Variants in NUP205 observed in about 807,000 individuals in gnomAD.
The protein encoded by NUP205 is nuclear pore complex protein Nup205.
NUP205 carries 76 observed loss-of-function variants against 253.8 expected under a neutral mutation model. The ratio of observed to expected loss-of-function variants is 0.30; its 90% CI spans 0.25 to 0.36. NUP205 has a LOEUF of 0.36. Ranked by LOEUF, NUP205 falls within the 10% of genes least tolerant of loss-of-function variation. NUP205 has a pLI of 1.00. For missense variants in NUP205, 2,162 were observed against 2,425.5 expected (o/e 0.89, Z 2.28); for synonymous variants, 832 against 850.1 (o/e 0.98, Z 0.37).
chr7:135,638,006 G>A lies in NUP205; in HGVS notation c.5212G>A (p.Val1738Met), dbSNP rs745522054. 4 of 1,614,102 alleles carry A rather than the reference G, an allele frequency of 2.5e-6. No individual in the cohort carries two copies. Among genetic ancestry groups the A allele is most frequent in the Non-Finnish European group, 2.5e-6 (3 of 1,179,944 alleles). The change falls in exon 37 of 43, where the codon GTG becomes ATG. Residue 1738 changes from valine to methionine, a missense_variant. Physicochemically the swap from Val to Met is conservative, Grantham distance 21. Around this residue, in one of 5 missense-constraint regions of NUP205, gnomAD observed 1,144 missense variants for 1,280.9 expected, o/e 0.89. Transcript: ENST00000285968. Reference protein sequence around the residue: ...LRQFKFQDDNVEGDKVSKKDE... With the variant: ...LRQFKFQDDNMEGDKVSKKDE... ...TCAGTTTAAATTTCAAGACGATAAT[G>A]TGGAGGGAGATAAAGTAAGCAAGAA...
intron 22 of NUP205, among the ~76,000 whole-genome samples, chr7:135,608,102 C>T (rs573242372): frequency 1.3e-5 from 2 of 149,076 alleles, no homozygotes; most frequent in South Asian, 4.2e-4. Context: ...TTGTGGCACA[C>T]TGCAACCTCC....
intron 8 of NUP205, among the ~76,000 whole-genome samples, chr7:135,585,597 A>T (rs1479218712): frequency 6.6e-6 from 1 of 151,008 alleles, no homozygotes; most frequent in Non-Finnish European, 1.5e-5. Context: ...TATTGCGCCC[A>T]GGCTGGAGTG....
At chr7:135,602,735 T>C in intron 17 of NUP205, 70 bp from the exon 18 acceptor site, 1 of 1,254,332 alleles carries the variant, frequency 8.0e-7, no homozygotes, top group Non-Finnish European at 1.1e-6. Flanking sequence ...ATTTGTCTTG[T>C]TTTCCTAAGA....
intron 1 of NUP205, chr7:135,558,342 G>C (rs1805488861): frequency 3.6e-6 from 1 of 277,966 alleles, no homozygotes; most frequent in Non-Finnish European, 7.2e-6. Context: ...GAGGACCCGA[G>C]ATATTTTCCA....
Position 135,601,386 on chromosome 7 carries a change from C to G in NUP205, c.2391C>G (p.Ala797=), listed in dbSNP as rs756511519. 1.1e-5 allele frequency: 18 copies of G among 1,613,226 alleles called. No homozygotes were observed. In the South Asian group the frequency reaches 1.6e-4, roughly 15 times the overall value. Residue 797 remains alanine, a synonymous_variant, in exon 17 of 43, where the codon GCC becomes GCG. Transcript: ENST00000285968. ...TCTATTTAGGAGAAGAAATCATAGC[C>G]TATAAGCCACCTGGATTTAGTCTGA... ...FVELQGEEII[A]YKPPGFSLMY... is the part of the protein sequence containing the mutation.
chr7:135,627,398 G>A (rs1211543185), intron 33 of NUP205, among the ~76,000 whole-genome samples: 4 of 152,114 alleles, frequency 2.6e-5, no homozygotes, highest in African/African-American at 9.7e-5. Context: ...AACTTTCTGA[G>A]TGCCAATATG....
intron 1 of NUP205, among the ~76,000 whole-genome samples, chr7:135,563,486 C>G (rs772690291): frequency 6.6e-6 from 1 of 152,010 alleles, no homozygotes; most frequent in Admixed American, 6.6e-5. Context: ...CTGTGCCCGG[C>G]CAGATTTTAC....
At chr7:135,599,146 A>G (rs1314264926) in intron 15 of NUP205, among the ~76,000 whole-genome samples, 1 of 152,192 alleles carries the variant, frequency 6.6e-6, no homozygotes, top group Non-Finnish European at 1.5e-5. Context: ...GACTTAATTA[A>G]CAATTGAGAT....
At chr7:135,565,936 A>C (rs1034948682) in intron 1 of NUP205, among the ~76,000 whole-genome samples, 1 of 152,202 alleles carries the variant, frequency 6.6e-6, no homozygotes, top group Non-Finnish European at 1.5e-5. Flanking sequence ...TCCTGAGGGA[A>C]GTCATCTAGT....
chr7:135,604,963 A>G (rs967876160), intron 19 of NUP205, among the ~76,000 whole-genome samples: 2 of 151,862 alleles, frequency 1.3e-5, no homozygotes, highest in African/African-American at 4.8e-5. Context: ...CTGAATACCT[A>G]CAATTGCGGA....
At chr7:135,602,587 G>A (rs886266831) in intron 17 of NUP205, among the ~76,000 whole-genome samples, 14 of 152,172 alleles carry the variant, frequency 9.2e-5, no homozygotes, top group African/African-American at 2.9e-4. Context: ...GCAAAATAAC[G>A]ATGACTTGCA....
chr7:135,579,545 T>C (rs1806248756), intron 7 of NUP205, among the ~76,000 whole-genome samples: 1 of 152,176 alleles, frequency 6.6e-6, no homozygotes, highest in Non-Finnish European at 1.5e-5. Flanking sequence ...TTTTATATAT[T>C]TTACTTCTTG....
intron 5 of NUP205, 95 bp downstream of exon 5, chr7:135,577,223 T>C (rs1249843458): frequency 8.1e-7 from 1 of 1,233,098 alleles, no homozygotes; most frequent in East Asian, 2.4e-5. Context: ...AGATGAATTA[T>C]GTAGCTGATA....
At chr7:135,591,002 TG>T (rs1467395558) in intron 10 of NUP205, among the ~76,000 whole-genome samples, 1 of 152,142 alleles carries the variant, frequency 6.6e-6, no homozygotes, top group East Asian at 1.9e-4. Context: ...AACAGGAGTA[TG>T]GGAACGTGGC....
At chr7:135,559,760 C>T (rs1056476785) in intron 1 of NUP205, among the ~76,000 whole-genome samples, 2 of 147,882 alleles carry the variant, frequency 1.4e-5, no homozygotes, top group Non-Finnish European at 3.0e-5. Context: ...GGCGTGATCT[C>T]GGCTCACTGC....
At chr7:135,631,692 C>T (rs1794715391) in intron 35 of NUP205, among the ~76,000 whole-genome samples, 1 of 152,054 alleles carries the variant, frequency 6.6e-6, no homozygotes, top group Non-Finnish European at 1.5e-5. Context: ...ATGGCGTCAC[C>T]ATTCACGAGT....
chr7:135,567,727 T>C (rs1805824857), intron 1 of NUP205, among the ~76,000 whole-genome samples: 1 of 152,210 alleles, frequency 6.6e-6, no homozygotes, highest in Non-Finnish European at 1.5e-5. Context: ...GTAACTTTAT[T>C]TGGATTTGGG....
Position 135,618,655 on chromosome 7 carries a change from A to G in NUP205, c.3963+52A>G, listed in dbSNP as rs1455375220. 4.9e-6 allele frequency: 7 copies of G among 1,433,740 alleles called. No homozygotes were observed. In the African/African-American group the frequency reaches 8.6e-5, roughly 18 times the overall value. The allele number at this position is 1,433,740 out of a possible 1,614,324, so 88.8% of individuals were successfully genotyped here. Reference sequence around the variant, plus strand: ...ACTGCTGAACGAATGTATCATTTAAACAAATATATTTTGGCATCCTAATTG... The same window carrying G: ...ACTGCTGAACGAATGTATCATTTAAGCAAATATATTTTGGCATCCTAATTG... On this transcript the variant is annotated intron_variant, in intron 28 of 42. Coordinates refer to ENST00000285968, the MANE Select transcript of NUP205 (RefSeq NM_015135.3).
In NUP205 at chr7:135,609,394, C is replaced by T. The variant is rs192845410; in HGVS notation, c.3195+2023C>T. 4.9e-3 allele frequency among the ~76,000 whole-genome samples: 751 copies of T among 152,000 alleles called. 6 individuals carry two copies. Among genetic ancestry groups the T allele is most frequent in the African/African-American group, 0.017 (723 of 41,458 alleles). On this transcript the variant is annotated intron_variant, in intron 22 of 42. Transcript: ENST00000285968. ...TCGGGAGGCTGAGGCAGGAGAATGG[C>T]GTGAACCCGGGAGGTGGAGCTTGCA...
Sources: allele counts gnomAD v4.1 joint callset (sites outside exome capture counted in the v4.1 genomes callset), GRCh38; gene constraint gnomAD v4.1.1; regional missense constraint gnomAD v4.1.1; transcripts MANE v1.5; gene names NCBI Gene and HGNC (gene_info 2026-07-23, HGNC 2026-07-21).